Variants in HIVEP3 observed in about 807,000 individuals in gnomAD.
HIVEP3 encodes the protein HIVEP zinc finger 3.
HIVEP3 carries 49 observed loss-of-function variants against 152.8 expected under a neutral mutation model. The ratio of observed to expected loss-of-function variants is 0.32; its 90% confidence interval spans 0.26 to 0.41. The LOEUF (loss-of-function observed/expected upper bound fraction) is 0.41, where lower values mean the gene tolerates loss of function less well. Among genes scored for constraint, HIVEP3 ranks in the 10% least tolerant of loss-of-function variants. The pLI, the probability that HIVEP3 is intolerant of heterozygous loss-of-function variation, is 1.00. For missense variants in HIVEP3, 2,790 were observed against 3,103.3 expected (o/e 0.90, Z 2.40); for synonymous variants, 1,269 against 1,289.0 (o/e 0.98, Z 0.33).
chr1:41,694,320 C>T (rs1010249382), intron 2 of HIVEP3, among the ~76,000 whole-genome samples: 4 of 152,110 alleles, frequency 2.6e-5, no homozygotes, highest in Admixed American at 6.6e-5. Context: ...ATGCCCCACC[C>T]GACCTTTTTA....
intron 5 of HIVEP3, among the ~76,000 whole-genome samples, chr1:41,562,545 CCTTCCTTCCTT>C (rs1042547103): frequency 2.1e-5 from 3 of 139,544 alleles, no homozygotes; most frequent in African/African-American, 7.8e-5. Flanking sequence ...TTCCTTCCTT[CCTTCCTTCCTT>C]CTTTCCTTCT....
intron 5 of HIVEP3, among the ~76,000 whole-genome samples, chr1:41,536,069 C>T (rs909820819): frequency 6.6e-6 from 1 of 152,026 alleles, no homozygotes. Context: ...TTCCTCTGCT[C>T]AAGATGTCAA....
In HIVEP3 at chr1:41,645,621, C is replaced by G. The variant is rs115296124; in HGVS notation, c.-720-16674G>C. On this transcript the variant is annotated intron_variant, in intron 2 of 8. Transcript: ENST00000372583. ...AAAACTAATTGCATAATTACTTATT[C>G]TGCCTTCACAGAATATAAATCCTCA... Among the ~76,000 whole-genome samples, 1,470 of 152,326 alleles carry G rather than the reference C, an allele frequency of 9.7e-3. 17 individuals are homozygous for G. Among genetic ancestry groups the G allele is most frequent in the African/African-American group, 0.033 (1,389 of 41,576 alleles).
chr1:41,640,281 G>A (rs1485877171), intron 2 of HIVEP3, among the ~76,000 whole-genome samples: 4 of 151,776 alleles, frequency 2.6e-5, no homozygotes, highest in Non-Finnish European at 5.9e-5. Context: ...CGGGGGTTGG[G>A]GGGCGGGGGA....
chr1:41,532,014 G>A (rs1363667585), intron 5 of HIVEP3, among the ~76,000 whole-genome samples: 6 of 131,130 alleles, frequency 4.6e-5, no homozygotes, highest in African/African-American at 1.8e-4. Flanking sequence ...ATGGAGGACA[G>A]GAGAGATGGA....
At chr1:41,966,475 C>CTT (rs58470482) in intron 1 of HIVEP3, among the ~76,000 whole-genome samples, 7 of 95,822 alleles carry the variant, frequency 7.3e-5, no homozygotes, top group East Asian at 4.2e-4. Context: ...GTGCTGTATT[C>CTT]TTTTTTTTTT....
intron 1 of HIVEP3, among the ~76,000 whole-genome samples, chr1:41,863,661 T>C (rs529904412): frequency 4.9e-4 from 75 of 152,338 alleles, no homozygotes; most frequent in African/African-American, 1.7e-3. Flanking sequence ...TGTGCATGAG[T>C]TCGTCAAAAT....
chr1:41,903,114 C>G lies in HIVEP3; in HGVS notation c.-801+15299G>C, dbSNP rs116614050. On this transcript the variant is annotated intron_variant, in intron 1 of 8. Coordinates refer to ENST00000372583, the MANE Select transcript of HIVEP3 (RefSeq NM_024503.5). ...TCAATTGAAATAAAATAAAATACAT[C>G]TACCAACTACCATTTACTGAACACC... is the stretch of plus-strand genomic sequence containing the variant. Among the ~76,000 whole-genome samples the G allele has an allele frequency of 2.5e-3, 388 of 152,314 alleles. 3 individuals are homozygous for G. Among genetic ancestry groups the G allele is most frequent in the African/African-American group, 9.0e-3 (372 of 41,556 alleles).
chr1:41,986,438 C>CTTTTTTTTTTTTTTTTTTTT (rs34078704), intron 1 of HIVEP3, among the ~76,000 whole-genome samples: 1 of 112,494 alleles, frequency 8.9e-6, no homozygotes. Flanking sequence ...TTGAATAGGA[C>CTTTTTTTTTTTTTTTTTTTT]TTTTTTTTTT....
chr1:42,012,305 C>G (rs1036534212), intron 1 of HIVEP3, among the ~76,000 whole-genome samples: 1 of 152,116 alleles, frequency 6.6e-6, no homozygotes, highest in African/African-American at 2.4e-5. Flanking sequence ...TTGCGTACCC[C>G]CCAAATTCAT....
intron 1 of HIVEP3, among the ~76,000 whole-genome samples, chr1:41,860,219 T>C (rs939932667): frequency 6.6e-6 from 1 of 152,224 alleles, no homozygotes; most frequent in Non-Finnish European, 1.5e-5. Context: ...GACATGGTTA[T>C]GCCTCTAGTA....
chr1:41,738,543 C>T (rs1646950935), intron 1 of HIVEP3, among the ~76,000 whole-genome samples: 2 of 152,150 alleles, frequency 1.3e-5, no homozygotes, highest in Admixed American at 1.3e-4. Flanking sequence ...TAATCCAACC[C>T]TCCCACAAAG....
At chr1:41,714,111 C>G (rs367757617) in intron 1 of HIVEP3, among the ~76,000 whole-genome samples, 1 of 152,166 alleles carries the variant, frequency 6.6e-6, no homozygotes, top group Non-Finnish European at 1.5e-5. Context: ...TTTATGACTC[C>G]GATGAGCTCA....
At chr1:41,686,061 G>T (rs1646110212) in intron 2 of HIVEP3, among the ~76,000 whole-genome samples, 1 of 149,338 alleles carries the variant, frequency 6.7e-6, no homozygotes, top group Non-Finnish European at 1.5e-5. Context: ...TTGTTTGTTT[G>T]TTTTGTTTTG....
chr1:42,007,759 C>T (rs1645468321), intron 1 of HIVEP3, among the ~76,000 whole-genome samples: 1 of 152,162 alleles, frequency 6.6e-6, no homozygotes, highest in Admixed American at 6.5e-5. Flanking sequence ...CAGTATTCTA[C>T]TCCATAATAT....
At position 41,510,764 on chromosome 1, in the gene HIVEP3, G is replaced by A. The variant is rs1159460037; in HGVS notation, c.6908C>T (p.Thr2303Ile). The A allele has an allele frequency of 2.0e-5, 32 of 1,598,268 alleles. No homozygotes were observed. The highest frequency in any genetic ancestry group is 2.6e-5 in the Non-Finnish European group (31 of 1,172,990). Residue 2303 changes from threonine (T) to isoleucine (I), a missense_variant, in exon 9 of 9, where the codon ACA becomes ATA. Thr to Ile is a moderately conservative substitution (Grantham distance 89, BLOSUM62 -1). Transcript: ENST00000372583. Reference protein sequence around the residue: ...PHGTGAPAEPTPTHSPCTPPD... With the variant: ...PHGTGAPAEPIPTHSPCTPPD... Reference sequence around the variant, plus strand: ...TGGGGTGCAGGGGCTGTGCGTGGGTGTGGGCTCTGCAGGTGCCCCGGTCCC... The same window carrying A: ...TGGGGTGCAGGGGCTGTGCGTGGGTATGGGCTCTGCAGGTGCCCCGGTCCC...
chr1:42,010,745 T>G (rs1645488420), intron 1 of HIVEP3, among the ~76,000 whole-genome samples: 1 of 152,164 alleles, frequency 6.6e-6, no homozygotes, highest in Non-Finnish European at 1.5e-5. Flanking sequence ...AAAACCATTC[T>G]TAGAATTCAA....
At chr1:41,736,157 G>A (rs755254975) in intron 1 of HIVEP3, among the ~76,000 whole-genome samples, 1 of 152,136 alleles carries the variant, frequency 6.6e-6, no homozygotes, top group African/African-American at 2.4e-5. Flanking sequence ...AAGGAATCTC[G>A]AGAGTTCCAA....
At chr1:41,742,823 C>A (rs1437754781) in intron 1 of HIVEP3, among the ~76,000 whole-genome samples, 3 of 152,188 alleles carry the variant, frequency 2.0e-5, no homozygotes, top group Non-Finnish European at 2.9e-5. Context: ...AATTTGCAGT[C>A]TGTGTTGGTT....
Sources: allele counts gnomAD v4.1 joint callset (sites outside exome capture counted in the v4.1 genomes callset), GRCh38; gene constraint gnomAD v4.1.1; transcripts MANE v1.5; gene names NCBI Gene and HGNC (gene_info 2026-07-23, HGNC 2026-07-21).